CPA6: variants seen among roughly 807,000 people sequenced by gnomAD.
CPA6 encodes carboxypeptidase A6, also known as carboxypeptidase B.
In CPA6, 58 loss-of-function variants were observed where a neutral mutation model predicts 63.3. The ratio of observed to expected loss-of-function variants is 0.92; its 90% CI spans 0.74 to 1.14. The LOEUF (loss-of-function observed/expected upper bound fraction) is 1.14. CPA6 is among the 50% of genes most tolerant of loss of function. CPA6 has a pLI of 0.00. For synonymous variants in CPA6, 185 were observed against 179.0 expected, an observed-to-expected ratio of 1.03 and a Z score of -0.27; for missense variants, 565 against 526.6, an observed-to-expected ratio of 1.07 and a Z score of -0.71.
chr8:67,456,701 T>C lies in CPA6; in HGVS notation c.839-22461A>G, dbSNP rs77488280. Among the ~76,000 whole-genome samples, 881 of 152,302 alleles carry C rather than the reference T, an allele frequency of 5.8e-3. 8 individuals carry two copies. The highest frequency in any genetic ancestry group is 0.02 in the African/African-American group (827 of 41,552). On this transcript the variant is annotated intron_variant, in intron 8 of 10. Coordinates refer to ENST00000297770, the MANE Select transcript of CPA6 (RefSeq NM_020361.5). ...GCCCCCCAAAATCACCAGGTCCTAA[T>C]CCATGGAAACTGTGACTGTTAAATG...
At chr8:67,702,395 A>G (rs866274058) in intron 1 of CPA6, among the ~76,000 whole-genome samples, 13 of 151,528 alleles carry the variant, frequency 8.6e-5, no homozygotes, top group Admixed American at 3.3e-4. Context: ...GTAGCTAGGC[A>G]GACATGAGCA....
chr8:67,496,545 ATATATATATATATT>A (rs1811719635), intron 6 of CPA6, among the ~76,000 whole-genome samples: 1 of 132,138 alleles, frequency 7.6e-6, no homozygotes, highest in African/African-American at 3.3e-5. Flanking sequence ...ATATATATAT[ATATATATATATATT>A]TATTTTATTT....
At chr8:67,553,696 C>A (rs1185620712) in intron 2 of CPA6, among the ~76,000 whole-genome samples, 1 of 152,142 alleles carries the variant, frequency 6.6e-6, no homozygotes, top group Non-Finnish European at 1.5e-5. Context: ...AAGCATTTCT[C>A]CAATAAATAT....
At chr8:67,584,513 T>A (rs1468007710) in intron 2 of CPA6, among the ~76,000 whole-genome samples, 2 of 152,196 alleles carry the variant, frequency 1.3e-5, no homozygotes, top group Non-Finnish European at 2.9e-5. Flanking sequence ...GTTATGATTT[T>A]TTTTGATATT....
intron 2 of CPA6, among the ~76,000 whole-genome samples, chr8:67,594,187 T>C (rs1024702775): frequency 3.0e-4 from 46 of 152,304 alleles, no homozygotes; most frequent in African/African-American, 1.1e-3. Flanking sequence ...AAAATTCTTT[T>C]CTTTAAGAAT....
chr8:67,645,007 C>A (rs1004643614), intron 1 of CPA6, among the ~76,000 whole-genome samples: 2 of 152,290 alleles, frequency 1.3e-5, no homozygotes, highest in East Asian at 3.9e-4. Flanking sequence ...CACAATCACA[C>A]CCCTAATACT....
At chr8:67,658,450 A>G (rs1563380727) in intron 1 of CPA6, among the ~76,000 whole-genome samples, 3 of 152,210 alleles carry the variant, frequency 2.0e-5, no homozygotes, top group Admixed American at 2.0e-4. Flanking sequence ...TTCCCTGTGG[A>G]TCCTCCCCCG....
Position 67,422,332 on chromosome 8 carries a change from C to T in CPA6, c.*172G>A. 1 of 483,750 alleles carries T rather than the reference C, an allele frequency of 2.1e-6. No homozygotes were observed. The highest frequency in any genetic ancestry group is 2.9e-5 in the East Asian group (1 of 34,016). The allele number at this position is 483,750 out of a possible 1,614,324, so 30.0% of individuals were successfully genotyped here. A position where few individuals can be genotyped will look rare whatever the true frequency, so the allele number is the denominator to read the frequency against. On this transcript the variant is annotated 3_prime_UTR_variant, in exon 11 of 11. Transcript: ENST00000297770. ...TTCTTATAACAAACTAGGCTATGCC[C>T]TGTTTTTTACTGTTTTCTATTGCCA...
At chr8:67,728,172 T>A (rs562716717) in intron 1 of CPA6, among the ~76,000 whole-genome samples, 1 of 151,058 alleles carries the variant, frequency 6.6e-6, no homozygotes, top group Non-Finnish European at 1.5e-5. Context: ...CAAACTATTA[T>A]CTGTCCTTTG....
chr8:67,472,375 T>TTTTTATTTTA (rs1042918150), intron 8 of CPA6, among the ~76,000 whole-genome samples: 101 of 68,968 alleles, frequency 1.5e-3, no homozygotes, highest in Middle Eastern at 0.021. Context: ...AAGATTTATT[T>TTTTTATTTTA]TTTTATTTTA....
intron 9 of CPA6, among the ~76,000 whole-genome samples, chr8:67,430,013 C>A (rs1809984842): frequency 6.6e-6 from 1 of 151,932 alleles, no homozygotes; most frequent in South Asian, 2.1e-4. Context: ...AGCTAGACAC[C>A]TATTTGAAAG....
At chr8:67,703,127 C>T (rs753693377) in intron 1 of CPA6, among the ~76,000 whole-genome samples, 1 of 152,134 alleles carries the variant, frequency 6.6e-6, no homozygotes, top group African/African-American at 2.4e-5. Flanking sequence ...TGGTGAGATA[C>T]CTCTATGCCT....
chr8:67,702,248 C>T (rs946330753), intron 1 of CPA6, among the ~76,000 whole-genome samples: 3 of 151,976 alleles, frequency 2.0e-5, no homozygotes, highest in Admixed American at 2.0e-4. Flanking sequence ...AGTATTTATT[C>T]AAGAAAATTA....
At chr8:67,692,204 C>T (rs1463400898) in intron 1 of CPA6, among the ~76,000 whole-genome samples, 9 of 151,894 alleles carry the variant, frequency 5.9e-5, no homozygotes, top group African/African-American at 1.9e-4. Context: ...GGCATGGTGG[C>T]GCATGCCTCT....
chr8:67,726,944 T>C (rs1817607903), intron 1 of CPA6, among the ~76,000 whole-genome samples: 1 of 152,248 alleles, frequency 6.6e-6, no homozygotes, highest in African/African-American at 2.4e-5. Flanking sequence ...TATTGTTAAA[T>C]TTACTAACTT....
At chr8:67,496,923 T>C (rs1811732748) in intron 6 of CPA6, among the ~76,000 whole-genome samples, 1 of 152,112 alleles carries the variant, frequency 6.6e-6, no homozygotes, top group Admixed American at 6.6e-5. Context: ...AATCCTATCC[T>C]CTTCCCTCAC....
chr8:67,465,025 G>GT (rs1349991120), intron 8 of CPA6, among the ~76,000 whole-genome samples: 4 of 152,082 alleles, frequency 2.6e-5, no homozygotes, highest in Non-Finnish European at 5.9e-5. Context: ...TTTTAGAATA[G>GT]TTTTTTCTAA....
intron 2 of CPA6, among the ~76,000 whole-genome samples, chr8:67,563,663 A>G (rs1038528751): frequency 1.6e-4 from 24 of 152,160 alleles, no homozygotes; most frequent in Admixed American, 5.9e-4. Context: ...CGATTGATTG[A>G]TACAAAAAGA....
intron 1 of CPA6, among the ~76,000 whole-genome samples, chr8:67,645,666 G>A (rs1815698333): frequency 6.6e-6 from 1 of 152,188 alleles, no homozygotes; most frequent in African/African-American, 2.4e-5. Flanking sequence ...TCAAGGTTTA[G>A]AGAAAAATTA....
Sources: gnomAD v4.1 joint callset for allele counts (sites outside exome capture counted in the v4.1 genomes callset) on GRCh38, gnomAD v4.1.1 for gene constraint, MANE v1.5 for transcripts, NCBI Gene and HGNC (gene_info 2026-07-23, HGNC 2026-07-21) for gene names.